Variants in TRAPPC9 observed in about 807,000 individuals in gnomAD.
TRAPPC9 encodes trafficking protein particle complex subunit 9, also known as IKK2 binding protein.
A neutral mutation model predicts 124.0 loss-of-function variants in TRAPPC9; 83 were observed. That is an observed-to-expected ratio of 0.67 (90% CI 0.56 to 0.80). The LOEUF is 0.80. Ranked by LOEUF, TRAPPC9 falls within the 30% of genes least tolerant of loss-of-function variation. The pLI is 0.00. For missense variants in TRAPPC9, 1,302 were observed against 1,508.3 expected (o/e 0.86, Z 2.27); for synonymous variants, 638 against 617.5 (o/e 1.03, Z -0.49).
chr8:139,938,537 G>A (rs913377885), intron 19 of TRAPPC9, among the ~76,000 whole-genome samples: 9 of 151,960 alleles, frequency 5.9e-5, no homozygotes, highest in Non-Finnish European at 1.0e-4. Context: ...CTCCCGCCTC[G>A]GCCTCCCAAA....
intron 17 of TRAPPC9, among the ~76,000 whole-genome samples, chr8:140,058,054 G>C (rs781136804): frequency 6.6e-6 from 1 of 152,184 alleles, no homozygotes; most frequent in Non-Finnish European, 1.5e-5. Flanking sequence ...AAGTGCTCGC[G>C]AATGTGACAG....
rs118010096 is a variant in TRAPPC9, at chr8:139,773,017, T to C, written c.3056-40815A>G. 4.1e-4 allele frequency among the ~76,000 whole-genome samples: 62 copies of C among 152,322 alleles called. 2 individuals carry two copies. In the East Asian group the frequency reaches 0.012, roughly 29 times the overall value. ...GGAGGCTGAGGTCACTGTGTTCCTT[T>C]CCAGCCTAAAGCCCCAGTGAGGCAC... On this transcript the variant is annotated intron_variant, in intron 21 of 22. Transcript: ENST00000438773.
intron 16 of TRAPPC9, among the ~76,000 whole-genome samples, chr8:140,247,363 T>C (rs1385172423): frequency 6.6e-6 from 1 of 152,222 alleles, no homozygotes. Flanking sequence ...TACATGCTAT[T>C]CTATTGGCTT....
intron 19 of TRAPPC9, among the ~76,000 whole-genome samples, chr8:139,950,103 C>T (rs1003885997): frequency 4.6e-5 from 7 of 152,108 alleles, no homozygotes; most frequent in East Asian, 1.9e-4. Flanking sequence ...GATGGCGAGG[C>T]GAGTGGTAAG....
intron 21 of TRAPPC9, among the ~76,000 whole-genome samples, chr8:139,817,372 T>C (rs1824914441): frequency 6.6e-6 from 1 of 152,228 alleles, no homozygotes; most frequent in African/African-American, 2.4e-5. Context: ...TTATGGCAGT[T>C]ACATCTCAGG....
At chr8:140,118,445 T>G (rs1199871685) in intron 17 of TRAPPC9, among the ~76,000 whole-genome samples, 1 of 152,250 alleles carries the variant, frequency 6.6e-6, no homozygotes, top group East Asian at 1.9e-4. Flanking sequence ...TCTGAGTATC[T>G]TAGTGGACAC....
intron 15 of TRAPPC9, among the ~76,000 whole-genome samples, chr8:140,268,464 C>G (rs1159197335): frequency 6.6e-6 from 1 of 152,196 alleles, no homozygotes; most frequent in Non-Finnish European, 1.5e-5. Flanking sequence ...CAGCTTGGAA[C>G]AAGAATTAAA....
chr8:139,875,988 G>A (rs966617322), intron 21 of TRAPPC9, among the ~76,000 whole-genome samples: 3 of 152,264 alleles, frequency 2.0e-5, no homozygotes, highest in African/African-American at 4.8e-5. Context: ...CCATCGGTGC[G>A]GCTGTCCTAC....
At chr8:140,035,629 C>T (rs1040267502) in intron 17 of TRAPPC9, among the ~76,000 whole-genome samples, 7 of 152,192 alleles carry the variant, frequency 4.6e-5, no homozygotes, top group Non-Finnish European at 7.3e-5. Flanking sequence ...AACTGTCGTT[C>T]GGCAAGGTGA....
chr8:140,267,302 T>A (rs1274911249), intron 15 of TRAPPC9, among the ~76,000 whole-genome samples: 1 of 152,220 alleles, frequency 6.6e-6, no homozygotes, highest in East Asian at 1.9e-4. Flanking sequence ...GGCACCGGCA[T>A]GCAAACGTGG....
chr8:139,821,468 C>T (rs1476126639), intron 21 of TRAPPC9, among the ~76,000 whole-genome samples: 1 of 152,188 alleles, frequency 6.6e-6, no homozygotes, highest in Non-Finnish European at 1.5e-5. Flanking sequence ...AATAGCAGGA[C>T]CCCGCTTCTG....
chr8:140,332,078 A>G (rs2066907657), intron 9 of TRAPPC9, among the ~76,000 whole-genome samples: 1 of 152,196 alleles, frequency 6.6e-6, no homozygotes, highest in Non-Finnish European at 1.5e-5. Flanking sequence ...AACCCAAGTG[A>G]CCATCAATAG....
At chr8:140,441,828 G>C (rs140736275) in intron 2 of TRAPPC9, among the ~76,000 whole-genome samples, 1,825 of 152,220 alleles carry the variant, frequency 0.012, 19 homozygotes, top group Admixed American at 0.02. Context: ...GCCTCCCACA[G>C]TGCTAGATTT....
intron 17 of TRAPPC9, among the ~76,000 whole-genome samples, chr8:140,137,351 G>A (rs1021634382): frequency 3.3e-5 from 5 of 152,154 alleles, no homozygotes; most frequent in South Asian, 2.1e-4. Flanking sequence ...GGAGGTCTGC[G>A]TAATTAGTAA....
intron 21 of TRAPPC9, among the ~76,000 whole-genome samples, chr8:139,813,131 C>T (rs1811351425): frequency 6.6e-6 from 1 of 152,202 alleles, no homozygotes; most frequent in African/African-American, 2.4e-5. Flanking sequence ...TGCCGGTCTC[C>T]CTGTGTCCCC....
chr8:140,389,468 C>T (rs1051310932), intron 7 of TRAPPC9, among the ~76,000 whole-genome samples: 17 of 152,310 alleles, frequency 1.1e-4, no homozygotes, highest in African/African-American at 3.8e-4. Flanking sequence ...GCCACTCAGG[C>T]GAGTGGTGCT....
chr8:140,206,198 A>G (rs1322487371), intron 17 of TRAPPC9, among the ~76,000 whole-genome samples: 1 of 152,260 alleles, frequency 6.6e-6, no homozygotes, highest in Non-Finnish European at 1.5e-5. Flanking sequence ...AAAATTCAGT[A>G]TCCTTTCCTA....
At chr8:139,751,704 T>G (rs1036802234) in intron 21 of TRAPPC9, among the ~76,000 whole-genome samples, 2 of 151,898 alleles carry the variant, frequency 1.3e-5, no homozygotes, top group Non-Finnish European at 2.9e-5. Flanking sequence ...ATCCAGCATC[T>G]ACCCATCTAC....
intron 21 of TRAPPC9, among the ~76,000 whole-genome samples, chr8:139,864,035 A>G (rs909478808): frequency 6.6e-6 from 1 of 152,136 alleles, no homozygotes; most frequent in Non-Finnish European, 1.5e-5. Flanking sequence ...TGCCCTGCTA[A>G]GCACCCAACA....
Sources: allele counts gnomAD v4.1 joint callset (sites outside exome capture counted in the v4.1 genomes callset), GRCh38; gene constraint gnomAD v4.1.1; transcripts MANE v1.5; gene names NCBI Gene and HGNC (gene_info 2026-07-23, HGNC 2026-07-21).